Variants in DLG2 observed in about 807,000 individuals in gnomAD.
DLG2 encodes the protein disks large homolog 2.
In DLG2, 45 loss-of-function variants were observed where a neutral mutation model predicts 132.5. That is an observed-to-expected ratio of 0.34 (90% CI 0.27 to 0.44). DLG2 has a LOEUF of 0.44. Ranked by LOEUF, DLG2 falls within the 20% of genes least tolerant of loss-of-function variation. DLG2 has a pLI of 1.00. For missense variants in DLG2, 1,045 were observed against 1,196.9 expected (o/e 0.87, Z 1.87); for synonymous variants, 424 against 419.6 (o/e 1.01, Z -0.13).
chr11:84,889,966 CCT>C (rs1288043569), intron 6 of DLG2, among the ~76,000 whole-genome samples: 5 of 152,234 alleles, frequency 3.3e-5, no homozygotes, highest in African/African-American at 9.6e-5. Flanking sequence ...TCTTGAGATG[CCT>C]CATAGTCAAA....
At chr11:84,212,171 G>A (rs1206023006) in intron 8 of DLG2, among the ~76,000 whole-genome samples, 2 of 152,218 alleles carry the variant, frequency 1.3e-5, no homozygotes, top group African/African-American at 4.8e-5. Context: ...CATCCCTGGA[G>A]ACCGTCTTTC....
chr11:83,788,353 C>T lies in DLG2; in HGVS notation c.1723-1561G>A, dbSNP rs537595858. Among the ~76,000 whole-genome samples, 7 of 152,276 alleles carry T rather than the reference C, an allele frequency of 4.6e-5. No individual in the cohort carries two copies. In the East Asian group the frequency reaches 1.2e-3, roughly 25 times the overall value. ...GCTTTCTAGTGTGGTGAACTCCTTA[C>T]AGAAAGCATTGATTACATGGTAACA... On this transcript the variant is annotated intron_variant, in intron 17 of 27. Coordinates refer to ENST00000376104, the MANE Select transcript of DLG2 (RefSeq NM_001142699.3).
At chr11:84,653,052 C>T (rs973734307) in intron 6 of DLG2, among the ~76,000 whole-genome samples, 6 of 152,022 alleles carry the variant, frequency 3.9e-5, no homozygotes, top group Non-Finnish European at 8.8e-5. Flanking sequence ...GCCTCAGCCT[C>T]CTGAGTAGCT....
chr11:85,285,737 T>C (rs767057635), intron 3 of DLG2, among the ~76,000 whole-genome samples: 1 of 151,998 alleles, frequency 6.6e-6, no homozygotes, highest in East Asian at 1.9e-4. Flanking sequence ...GGATACATAC[T>C]GTATGATTCC....
chr11:84,344,810 T>C (rs965029472), intron 7 of DLG2, among the ~76,000 whole-genome samples: 1 of 152,184 alleles, frequency 6.6e-6, no homozygotes, highest in Non-Finnish European at 1.5e-5. Flanking sequence ...AGCTGAACCC[T>C]CATCAGAAAG....
intron 12 of DLG2, among the ~76,000 whole-genome samples, chr11:83,972,950 T>C (rs1470710514): frequency 6.6e-6 from 1 of 152,130 alleles, no homozygotes; most frequent in Non-Finnish European, 1.5e-5. Flanking sequence ...TTAATTCATT[T>C]CTTAACCTTT....
intron 7 of DLG2, among the ~76,000 whole-genome samples, chr11:84,328,272 A>G (rs990557598): frequency 2.6e-5 from 4 of 151,628 alleles, no homozygotes; most frequent in Non-Finnish European, 4.4e-5. Context: ...GGAGGAAGGA[A>G]GGAAGTTGGA....
intron 3 of DLG2, among the ~76,000 whole-genome samples, chr11:85,575,590 G>A (rs942125885): frequency 6.6e-6 from 1 of 151,380 alleles, no homozygotes; most frequent in African/African-American, 2.4e-5. Flanking sequence ...TGTGCTCCTG[G>A]TATTCCTGGA....
At chr11:83,704,902 T>G (rs2083639934) in intron 18 of DLG2, among the ~76,000 whole-genome samples, 1 of 152,160 alleles carries the variant, frequency 6.6e-6, no homozygotes, top group Non-Finnish European at 1.5e-5. Flanking sequence ...ATTAAGTTAT[T>G]CAGACTAAAC....
intron 7 of DLG2, chr11:84,273,345 A>C: frequency 1.5e-6 from 2 of 1,332,644 alleles, no homozygotes; most frequent in Non-Finnish European, 1.9e-6. Flanking sequence ...CAGATCTGTT[A>C]CATAAACTTC....
At chr11:83,754,186 AC>A (rs1342397888) in intron 18 of DLG2, among the ~76,000 whole-genome samples, 18 of 150,510 alleles carry the variant, frequency 1.2e-4, no homozygotes, top group Non-Finnish European at 2.9e-5. Context: ...AAAATACTTG[AC>A]CCCCGCAAAA....
chr11:84,901,694 CA>C, intron 6 of DLG2, among the ~76,000 whole-genome samples: 1 of 152,026 alleles, frequency 6.6e-6, no homozygotes, highest in East Asian at 1.9e-4. Context: ...GTTATAGGGT[CA>C]TTTGATTTAT....
intron 6 of DLG2, among the ~76,000 whole-genome samples, chr11:84,559,177 T>A (rs2099418071): frequency 6.6e-6 from 1 of 152,132 alleles, no homozygotes; most frequent in Admixed American, 6.6e-5. Flanking sequence ...TATCAGTATG[T>A]AGAGTACCCA....
rs142573209 is a variant in DLG2, at chr11:84,216,146, G to A, written c.573+35092C>T. Among the ~76,000 whole-genome samples, 7 of 152,166 alleles carry A rather than the reference G, an allele frequency of 4.6e-5. No homozygotes were observed. In the East Asian group the frequency reaches 1.4e-3, roughly 30 times the overall value. On this transcript the variant is annotated intron_variant, in intron 8 of 27. Coordinates refer to ENST00000376104, the MANE Select transcript of DLG2 (RefSeq NM_001142699.3). ...TAAGGCTCTGGGTCTAAGCTCACTG[G>A]TTGAAGTAATTTCCTTCTCATGCTT... is the stretch of plus-strand genomic sequence containing the variant.
chr11:85,087,864 A>AG (rs2068186171), intron 6 of DLG2, among the ~76,000 whole-genome samples: 1 of 149,086 alleles, frequency 6.7e-6, no homozygotes, highest in African/African-American at 2.4e-5. Flanking sequence ...AAAAAAAAAA[A>AG]AAAAACAGAT....
intron 11 of DLG2, among the ~76,000 whole-genome samples, chr11:84,046,909 G>T (rs2154114762): frequency 6.6e-6 from 1 of 151,740 alleles, no homozygotes; most frequent in African/African-American, 2.4e-5. Flanking sequence ...AGTCTATGTA[G>T]TACAGGCTTT....
chr11:83,459,182 G>A lies in DLG2; in HGVS notation c.*636C>T, dbSNP rs112929359. On this transcript the variant is annotated 3_prime_UTR_variant, in exon 28 of 28. Coordinates refer to ENST00000376104, the MANE Select transcript of DLG2 (RefSeq NM_001142699.3). ...AAAATAGGCAATCAACAATCATAAA[G>A]CTAATCCCAGGTGGAATCCCCTCCT... The A allele has an allele frequency of 9.6e-4, 146 of 152,608 alleles. 3 individuals are homozygous for A. The highest frequency in any genetic ancestry group is 3.4e-3 in the African/African-American group (143 of 41,520). The allele number at this position is 152,608 out of a possible 1,614,324, so 9.5% of individuals were successfully genotyped here.
chr11:85,383,573 T>C (rs1420217259), intron 3 of DLG2, among the ~76,000 whole-genome samples: 1 of 152,186 alleles, frequency 6.6e-6, no homozygotes, highest in Non-Finnish European at 1.5e-5. Flanking sequence ...CTTACTAATA[T>C]TTAAACGGAG....
At chr11:84,214,539 T>G (rs1320719009) in intron 8 of DLG2, among the ~76,000 whole-genome samples, 1 of 151,950 alleles carries the variant, frequency 6.6e-6, no homozygotes, top group Non-Finnish European at 1.5e-5. Flanking sequence ...TGCTTCTATA[T>G]CTCAGAAACT....
Sources: allele counts gnomAD v4.1 joint callset (sites outside exome capture counted in the v4.1 genomes callset), GRCh38; gene constraint gnomAD v4.1.1; transcripts MANE v1.5; gene names NCBI Gene and HGNC (gene_info 2026-07-23, HGNC 2026-07-21).